The following UNC5D variants were observed in gnomAD, a reference collection of about 807,000 sequenced individuals.
UNC5D encodes netrin receptor UNC5D.
Under a neutral mutation model 105.4 loss-of-function variants are expected in UNC5D, and 39 were observed. That is an observed-to-expected ratio of 0.37 (90% CI 0.29 to 0.48). The LOEUF (loss-of-function observed/expected upper bound fraction) is 0.48. Ranked by LOEUF, UNC5D falls within the 20% of genes least tolerant of loss-of-function variation. The pLI, the probability that UNC5D is intolerant of heterozygous loss-of-function variation, is 0.98. For missense variants in UNC5D, 991 were observed against 1,202.4 expected (o/e 0.82, Z 2.60); for synonymous variants, 452 against 450.4 (o/e 1.00, Z -0.04).
intron 1 of UNC5D, among the ~76,000 whole-genome samples, chr8:35,276,530 A>G (rs1462711991): frequency 6.6e-6 from 1 of 152,240 alleles, no homozygotes; most frequent in African/African-American, 2.4e-5. Context: ...AGATAGTTGC[A>G]TGTAGCTACC....
intron 4 of UNC5D, among the ~76,000 whole-genome samples, chr8:35,676,467 G>T (rs1825229851): frequency 6.6e-6 from 1 of 152,176 alleles, no homozygotes; most frequent in Admixed American, 6.5e-5. Flanking sequence ...TTAGCAGGAG[G>T]TCATGTGCAT....
At chr8:35,549,646 T>G in intron 2 of UNC5D, 136 bp downstream of exon 2, 5 of 799,994 alleles carry the variant, frequency 6.3e-6, no homozygotes, top group Non-Finnish European at 9.7e-6. Context: ...TCCCAGCATA[T>G]AAGATGCAAT....
intron 1 of UNC5D, among the ~76,000 whole-genome samples, chr8:35,321,560 A>G (rs1484139966): frequency 6.6e-6 from 1 of 152,122 alleles, no homozygotes; most frequent in Non-Finnish European, 1.5e-5. Context: ...GCCATGTGGA[A>G]CTGTGAGTCT....
intron 3 of UNC5D, among the ~76,000 whole-genome samples, chr8:35,570,883 G>A (rs1479323121): frequency 3.3e-5 from 5 of 151,896 alleles, no homozygotes; most frequent in Non-Finnish European, 5.9e-5. Context: ...ACTTGAACCC[G>A]GGAGGCAGAG....
At chr8:35,496,099 CT>C (rs1811574285) in intron 1 of UNC5D, among the ~76,000 whole-genome samples, 3 of 152,156 alleles carry the variant, frequency 2.0e-5, no homozygotes, top group Admixed American at 2.0e-4. Context: ...CTGACTTAGA[CT>C]GAGGGTTCAG....
chr8:35,760,340 G>A (rs1801469881), intron 14 of UNC5D, among the ~76,000 whole-genome samples: 1 of 151,888 alleles, frequency 6.6e-6, no homozygotes, highest in Admixed American at 6.5e-5. Flanking sequence ...ACCGTGCCTA[G>A]CCAGAACACG....
intron 7 of UNC5D, among the ~76,000 whole-genome samples, chr8:35,705,464 G>A (rs1827513265): frequency 6.6e-6 from 1 of 152,232 alleles, no homozygotes; most frequent in Admixed American, 6.5e-5. Context: ...TGGATAAACA[G>A]GCAGAGTTGG....
chr8:35,386,826 G>T (rs374793852), intron 1 of UNC5D, among the ~76,000 whole-genome samples: 8 of 152,184 alleles, frequency 5.3e-5, no homozygotes, highest in African/African-American at 1.9e-4. Flanking sequence ...TTTGAAAGCT[G>T]TGGTAGAAAA....
At chr8:35,389,165 A>T (rs1803614388) in intron 1 of UNC5D, among the ~76,000 whole-genome samples, 1 of 152,218 alleles carries the variant, frequency 6.6e-6, no homozygotes, top group South Asian at 2.1e-4. Context: ...ATTTTAAAAC[A>T]TTCAAAACCT....
chr8:35,789,171 A>ACCC lies in UNC5D; in HGVS notation c.2658-1188_2658-1187insCCC, dbSNP rs1802904615. Among the ~76,000 whole-genome samples the ACCC allele has an allele frequency of 8.7e-5, 8 of 92,108 alleles. 1 individual carries two copies. The South Asian group carries it at 2.7e-3, about 31-fold the overall frequency. 60.4% of individuals were successfully genotyped at this position (92,108 alleles called of 152,430 possible). A position where few individuals can be genotyped will look rare whatever the true frequency, so the allele number is the denominator to read the frequency against. The stretch of plus-strand genomic sequence containing the variant: ...TATATATATATATATATATATATAT[A>ACCC]TATATATATATATATATGAGATAGG... On this transcript the variant is annotated intron_variant, in intron 16 of 16. Coordinates refer to ENST00000404895, the MANE Select transcript of UNC5D (RefSeq NM_080872.4).
chr8:35,777,191 T>C (rs1017178636), intron 16 of UNC5D, among the ~76,000 whole-genome samples: 1 of 151,926 alleles, frequency 6.6e-6, no homozygotes, highest in African/African-American at 2.4e-5. Context: ...GAGGCAGAGG[T>C]TGCAGTGAGC....
At position 35,384,228 on chromosome 8, in the gene UNC5D, AAAC is replaced by A. The variant is rs573477859; in HGVS notation, c.103+148344_103+148346del. Among the ~76,000 whole-genome samples the A allele has an allele frequency of 6.1e-3, 926 of 151,986 alleles. 12 individuals carry two copies. The highest frequency in any genetic ancestry group is 0.021 in the African/African-American group (885 of 41,454). On this transcript the variant is annotated intron_variant, in intron 1 of 16. Transcript: ENST00000404895. ...AGCAAGACTCCATTTCAAAAAAAAA[AAAC>A]AAAAAAAAACTAACATTTAAAATAA...
intron 4 of UNC5D, among the ~76,000 whole-genome samples, chr8:35,649,007 T>G (rs1479035585): frequency 6.6e-6 from 1 of 152,116 alleles, no homozygotes; most frequent in Admixed American, 6.6e-5. Flanking sequence ...ACAAAAATAA[T>G]TAGAAGGAGA....
chr8:35,768,177 T>C (rs1242622624), intron 15 of UNC5D, among the ~76,000 whole-genome samples: 1 of 152,174 alleles, frequency 6.6e-6, no homozygotes, highest in African/African-American at 2.4e-5. Flanking sequence ...ATTCATTGTT[T>C]ATGCAAAATG....
At chr8:35,449,195 G>C (rs528269964) in intron 1 of UNC5D, among the ~76,000 whole-genome samples, 1 of 152,272 alleles carries the variant, frequency 6.6e-6, no homozygotes, top group East Asian at 1.9e-4. Flanking sequence ...TTAATGATTA[G>C]TTTGCAATAG....
intron 1 of UNC5D, among the ~76,000 whole-genome samples, chr8:35,495,489 A>T (rs1162976871): frequency 2.0e-5 from 3 of 151,590 alleles, no homozygotes; most frequent in East Asian, 1.9e-4. Flanking sequence ...AAAGCAAAAA[A>T]ATCTCATAAT....
At chr8:35,572,275 C>A (rs1391598328) in intron 3 of UNC5D, among the ~76,000 whole-genome samples, 97 of 72,460 alleles carry the variant, frequency 1.3e-3, no homozygotes, top group Admixed American at 3.8e-3. Context: ...GCGAGACTGT[C>A]AAAAAAAAAA....
At chr8:35,701,093 T>TGAC (rs1827167575) in intron 7 of UNC5D, among the ~76,000 whole-genome samples, 1 of 152,182 alleles carries the variant, frequency 6.6e-6, no homozygotes, top group African/African-American at 2.4e-5. Context: ...ATACGGGATA[T>TGAC]GACTAGTCTA....
intron 1 of UNC5D, among the ~76,000 whole-genome samples, chr8:35,538,382 TA>T (rs1195017218): frequency 1.2e-4 from 13 of 111,016 alleles, no homozygotes; most frequent in East Asian, 7.7e-4. Context: ...AGTCGTGATT[TA>T]AAAAAAAATA....
Sources: allele counts gnomAD v4.1 joint callset (sites outside exome capture counted in the v4.1 genomes callset), GRCh38; gene constraint gnomAD v4.1.1; transcripts MANE v1.5; gene names NCBI Gene and HGNC (gene_info 2026-07-23, HGNC 2026-07-21).